Variants in ALPK2 observed in about 807,000 individuals in gnomAD.
The protein encoded by ALPK2 is alpha-protein kinase 2.
Under a neutral mutation model 163.1 loss-of-function variants are expected in ALPK2, and 127 were observed. The ratio of observed to expected loss-of-function variants is 0.78; its 90% confidence interval spans 0.67 to 0.90. The LOEUF (loss-of-function observed/expected upper bound fraction) is 0.90. ALPK2 is among the 40% of genes least tolerant of loss of function. The pLI, the probability that ALPK2 is intolerant of heterozygous loss-of-function variation, is 0.00. For missense variants in ALPK2, 2,360 were observed against 2,589.6 expected (o/e 0.91, Z 1.92); for synonymous variants, 953 against 959.1 (o/e 0.99, Z 0.12).
intron 5 of ALPK2, among the ~76,000 whole-genome samples, chr18:58,529,592 G>T (rs1043118416): frequency 6.6e-6 from 1 of 152,174 alleles, no homozygotes; most frequent in African/African-American, 2.4e-5. Flanking sequence ...ATGATTACCA[G>T]ATCATCCAGG....
intron 12 of ALPK2, among the ~76,000 whole-genome samples, chr18:58,497,165 T>C (rs1247386430): frequency 1.3e-5 from 2 of 152,338 alleles, no homozygotes; most frequent in East Asian, 3.9e-4. Flanking sequence ...AGTAACAAAC[T>C]AGCTTTTCAA....
intron 11 of ALPK2, among the ~76,000 whole-genome samples, chr18:58,501,715 G>A (rs369342468): frequency 9.0e-4 from 137 of 152,206 alleles, no homozygotes; most frequent in Admixed American, 1.4e-3. Flanking sequence ...AGACAATCAC[G>A]GTCTCCAGGC....
In ALPK2 at chr18:58,523,929, GT is replaced by G. The variant is rs1568073948; in HGVS notation, c.5629+5del. 2.5e-6 allele frequency: 4 copies of G among 1,614,030 alleles called. No individual in the cohort carries two copies. The highest frequency in any genetic ancestry group is 3.4e-6 in the Non-Finnish European group (4 of 1,180,012). On this transcript the variant is annotated splice_donor_5th_base_variant and intron_variant, in intron 7 of 12. Transcript: ENST00000361673. Reference sequence around the variant, plus strand: ...CAGTGGTTTTTCATTGAAAACTGTGGTTTACCTTCAGCTGTGAGGTTAAATT... The same window carrying G: ...CAGTGGTTTTTCATTGAAAACTGTGGTTACCTTCAGCTGTGAGGTTAAATT...
chr18:58,549,286 A>G (rs1201177950), intron 4 of ALPK2, among the ~76,000 whole-genome samples: 1 of 152,224 alleles, frequency 6.6e-6, no homozygotes, highest in Non-Finnish European at 1.5e-5. Context: ...GCAAGGTACA[A>G]CAGCAGGGTT....
intron 3 of ALPK2, among the ~76,000 whole-genome samples, chr18:58,584,586 A>G (rs78581764): frequency 0.018 from 2,685 of 152,374 alleles, 41 homozygotes; most frequent in South Asian, 0.034. Context: ...TAAGTCTTCA[A>G]TCTTGATCAG....
intron 12 of ALPK2, among the ~76,000 whole-genome samples, chr18:58,492,782 A>G (rs1602184005): frequency 1.3e-5 from 2 of 152,238 alleles, no homozygotes; most frequent in East Asian, 3.8e-4. Context: ...TCCCAATTCC[A>G]GACATTTCAA....
chr18:58,573,387 T>C (rs1249311545), intron 4 of ALPK2, among the ~76,000 whole-genome samples: 1 of 146,524 alleles, frequency 6.8e-6, no homozygotes, highest in Non-Finnish European at 1.5e-5. Context: ...TGTGTGTATA[T>C]ATATATATGT....
At chr18:58,490,070 C>CAA (rs35949429) in intron 12 of ALPK2, among the ~76,000 whole-genome samples, 9 of 145,298 alleles carry the variant, frequency 6.2e-5, no homozygotes, top group Admixed American at 2.1e-4. Context: ...GAGTCCGTCT[C>CAA]AAAAAAAAAA....
chr18:58,607,327 G>C lies in ALPK2; in HGVS notation c.222C>G (p.Leu74=), dbSNP rs775595930. 16 of 1,606,068 alleles carry C rather than the reference G, an allele frequency of 1.0e-5. No homozygotes were observed. The Admixed American group carries it at 2.7e-4, about 27-fold the overall frequency. ...ACAGGGGTATAGCCACTTACCAAGAGAGATGTAACACATGAATATACTGAT... is the reference window on the plus strand; with the variant it reads ...ACAGGGGTATAGCCACTTACCAAGACAGATGTAACACATGAATATACTGAT... ...FENQYIHVLH[L]SCCTKNDAAV... Residue 74 remains leucine (L), a synonymous_variant, in exon 3 of 13, where the codon CTC becomes CTG. Transcript: ENST00000361673.
In ALPK2 at chr18:58,534,956, T is replaced by A. The variant is rs55802237; in HGVS notation, c.5231A>T (p.Glu1744Val). The A allele has an allele frequency of 5.6e-6, 9 of 1,614,070 alleles. No homozygotes were observed. The East Asian group carries it at 1.3e-4, about 24-fold the overall frequency. ...RVAALRLKLE[E>V]KENIRKNSAF... ...TGAGTTCTTTCTGATATTTTCCTTTTCTTCCAGTTTCAGCCTCAGTGCTGC... is the reference window on the plus strand; with the variant it reads ...TGAGTTCTTTCTGATATTTTCCTTTACTTCCAGTTTCAGCCTCAGTGCTGC... The change falls in exon 5 of 13, where the codon GAA becomes GTA. Residue 1744 changes from glutamate (E) to valine (V), a missense_variant. Coordinates refer to ENST00000361673, the MANE Select transcript of ALPK2 (RefSeq NM_052947.4).
chr18:58,549,928 C>G (rs2051741645), intron 4 of ALPK2, among the ~76,000 whole-genome samples: 1 of 152,088 alleles, frequency 6.6e-6, no homozygotes, highest in African/African-American at 2.4e-5. Flanking sequence ...CACCACAATC[C>G]CGGCATTGCA....
chr18:58,590,218 T>TAAAAAAAAA (rs11286325), intron 3 of ALPK2, among the ~76,000 whole-genome samples: 2 of 97,254 alleles, frequency 2.1e-5, no homozygotes, highest in Non-Finnish European at 2.0e-5. Context: ...AGGCTCCATC[T>TAAAAAAAAA]AAAAAAAAAA....
intron 10 of ALPK2, among the ~76,000 whole-genome samples, chr18:58,512,990 GGT>G (rs1181142397): frequency 2.0e-4 from 29 of 141,590 alleles, no homozygotes; most frequent in Non-Finnish European, 3.7e-4. Context: ...GTGTGTGTGT[GGT>G]GTGTGTTGTG....
chr18:58,606,045 T>C (rs1015695690), intron 3 of ALPK2, among the ~76,000 whole-genome samples: 1 of 152,242 alleles, frequency 6.6e-6, no homozygotes, highest in Non-Finnish European at 1.5e-5. Flanking sequence ...ATTTCAACCT[T>C]GGTAAAATGA....
chr18:58,583,752 AAAG>A (rs1247984918), intron 3 of ALPK2, among the ~76,000 whole-genome samples: 115 of 126,572 alleles, frequency 9.1e-4, no homozygotes, highest in African/African-American at 2.9e-3. Context: ...AAAAAAAAAA[AAAG>A]AAAGAAAGAA....
chr18:58,523,312 CATT>C (rs1289445680), intron 8 of ALPK2, among the ~76,000 whole-genome samples: 5 of 151,728 alleles, frequency 3.3e-5, no homozygotes, highest in African/African-American at 7.3e-5. Context: ...TCCAGTCTAT[CATT>C]GTTGGATATT....
At position 58,538,112 on chromosome 18, in the gene ALPK2, G is replaced by T. The variant is rs967273903; in HGVS notation, c.2075C>A (p.Ser692Ter). ...PFTGTTTISFSNLGGVHKENA... is the reference protein window; with the variant it reads ...PFTGTTTISF The stretch of plus-strand genomic sequence containing the variant: ...TTCCTTGTGGACCCCTCCTAAGTTT[G>T]AGAAGGAAATTGTTGTGGTCCCAGT... The change falls in exon 5 of 13, where the codon TCA becomes TAA. Residue 692 changes from serine (S) to a stop codon, truncating the protein, a stop_gained. Transcript: ENST00000361673. LOFTEE classifies it high-confidence loss of function. 1.9e-6 allele frequency: 3 copies of T among 1,614,128 alleles called. No homozygotes were observed. In the South Asian group the frequency reaches 3.3e-5, roughly 18 times the overall value.
intron 5 of ALPK2, among the ~76,000 whole-genome samples, chr18:58,531,493 T>C (rs1362980778): frequency 6.6e-6 from 1 of 152,050 alleles, no homozygotes; most frequent in Non-Finnish European, 1.5e-5. Context: ...GTCTTCCTGG[T>C]GGCAACTTTT....
chr18:58,501,686 G>C (rs2051432039), intron 11 of ALPK2, among the ~76,000 whole-genome samples: 1 of 152,156 alleles, frequency 6.6e-6, no homozygotes, highest in South Asian at 2.1e-4. Context: ...CTACTTACTA[G>C]CTGAGTGACA....
Sources: allele counts gnomAD v4.1 joint callset (sites outside exome capture counted in the v4.1 genomes callset), GRCh38; gene constraint gnomAD v4.1.1; transcripts MANE v1.5; gene names NCBI Gene and HGNC (gene_info 2026-07-23, HGNC 2026-07-21).